CORO1C: variants seen among roughly 807,000 people sequenced by gnomAD.
CORO1C encodes the protein coronin 1C.
Under a neutral mutation model 51.2 loss-of-function variants are expected in CORO1C, and 14 were observed. The observed-to-expected ratio is 0.27, with a 90% CI of 0.18 to 0.43. The LOEUF (loss-of-function observed/expected upper bound fraction) is 0.43. CORO1C is among the 20% of genes least tolerant of loss of function. The pLI is 1.00. For synonymous variants in CORO1C, 181 were observed against 210.5 expected, an observed-to-expected ratio of 0.86 and a Z score of 1.21; for missense variants, 417 against 607.8, an observed-to-expected ratio of 0.69 and a Z score of 3.30.
At chr12:108,719,697 C>G (rs965842062) in intron 1 of CORO1C, among the ~76,000 whole-genome samples, 1 of 152,092 alleles carries the variant, frequency 6.6e-6, no homozygotes, top group Non-Finnish European at 1.5e-5. Context: ...GAACATAAGG[C>G]TATTTAATGA....
In CORO1C at chr12:108,688,139, G is replaced by C. The variant is rs1323564946; in HGVS notation, c.196-9745C>G. Among the ~76,000 whole-genome samples the C allele has an allele frequency of 2.0e-5, 3 of 151,994 alleles. No homozygotes were observed. In the East Asian group the frequency reaches 5.8e-4, roughly 29 times the overall value. The stretch of plus-strand genomic sequence containing the variant: ...TTGACCAGGCTGGTCTCAAACTCCT[G>C]ACCTCAGGTGATCTGCCCACCTCAG... On this transcript the variant is annotated intron_variant, in intron 2 of 10. Coordinates refer to ENST00000261401, the MANE Select transcript of CORO1C (RefSeq NM_014325.4).
intron 10 of CORO1C, among the ~76,000 whole-genome samples, chr12:108,647,865 C>G (rs966434474): frequency 7.9e-5 from 12 of 152,200 alleles, no homozygotes; most frequent in African/African-American, 2.9e-4. Flanking sequence ...TACGTCCTAA[C>G]CACCCCAATC....
At chr12:108,683,370 G>A (rs933136651) in intron 2 of CORO1C, among the ~76,000 whole-genome samples, 1 of 148,154 alleles carries the variant, frequency 6.7e-6, no homozygotes, top group East Asian at 2.0e-4. Flanking sequence ...AGTGAGCTGA[G>A]ATCGCACCAT....
At chr12:108,659,084 G>A (rs151005576) in intron 4 of CORO1C, among the ~76,000 whole-genome samples, 165 bp from the exon 5 acceptor site, 182 of 152,304 alleles carry the variant, frequency 1.2e-3, no homozygotes, top group African/African-American at 4.2e-3. Context: ...CCCTACCAGA[G>A]GCCCTACTTA....
At chr12:108,724,152 G>GCAACAA (rs957464937) in intron 1 of CORO1C, among the ~76,000 whole-genome samples, 1 of 152,060 alleles carries the variant, frequency 6.6e-6, no homozygotes, top group Non-Finnish European at 1.5e-5. Flanking sequence ...GTGGGAAAAA[G>GCAACAA]CAACAACAAC....
chr12:108,648,475 A>G, intron 10 of CORO1C, 130 bp downstream of exon 10: 1 of 1,270,000 alleles, frequency 7.9e-7, no homozygotes, highest in Non-Finnish European at 1.1e-6. Flanking sequence ...ACCTTCTCCC[A>G]CTTTTTCATT....
chr12:108,660,658 T>C (rs980375127), intron 4 of CORO1C, among the ~76,000 whole-genome samples: 7 of 152,102 alleles, frequency 4.6e-5, no homozygotes, highest in Non-Finnish European at 8.8e-5. Context: ...CTCCTTCACA[T>C]GTAAAAGGGA....
At chr12:108,675,006 G>A (rs2033854683) in intron 3 of CORO1C, among the ~76,000 whole-genome samples, 1 of 152,090 alleles carries the variant, frequency 6.6e-6, no homozygotes, top group Non-Finnish European at 1.5e-5. Context: ...ATGCTACAGA[G>A]AAAGCTTTTG....
intron 1 of CORO1C, among the ~76,000 whole-genome samples, chr12:108,712,026 C>T (rs1307482796): frequency 2.0e-5 from 3 of 152,130 alleles, no homozygotes; most frequent in South Asian, 2.1e-4. Flanking sequence ...CATTCCAGGG[C>T]GTCGATTACT....
intron 8 of CORO1C, 186 bp downstream of exon 8, chr12:108,652,086 A>G: frequency 7.1e-6 from 1 of 140,174 alleles, no homozygotes. Context: ...TTTTTTTCTA[A>G]TGAAGAAACT....
In CORO1C at chr12:108,645,307, C is replaced by G. The variant is rs925252039; in HGVS notation, c.*2096G>C. 2.0e-5 allele frequency: 3 copies of G among 151,614 alleles called. No homozygotes were observed. The highest frequency in any genetic ancestry group is 7.3e-5 in the African/African-American group (3 of 41,216). The allele number at this position is 151,614 out of a possible 1,614,324, so 9.4% of individuals were successfully genotyped here. A position where few individuals can be genotyped will look rare whatever the true frequency, so the allele number is the denominator to read the frequency against. On this transcript the variant is annotated 3_prime_UTR_variant, in exon 11 of 11. Transcript: ENST00000261401. The stretch of plus-strand genomic sequence containing the variant: ...GGCGCCTACTCTGAGCTTGGCTGGG[C>G]ATCCATTCATTAAATAAGTCATAAG...
chr12:108,703,565 C>T (rs983545603), intron 1 of CORO1C, among the ~76,000 whole-genome samples: 2 of 152,132 alleles, frequency 1.3e-5, no homozygotes, highest in Non-Finnish European at 2.9e-5. Context: ...AGGAGGAGCG[C>T]ACAAAAAGGA....
chr12:108,721,770 A>G (rs1335556208), intron 1 of CORO1C, among the ~76,000 whole-genome samples: 1 of 152,104 alleles, frequency 6.6e-6, no homozygotes, highest in Non-Finnish European at 1.5e-5. Flanking sequence ...AGAAAAATAG[A>G]CAGGACGAGT....
chr12:108,713,507 A>G (rs890585014), intron 1 of CORO1C, among the ~76,000 whole-genome samples: 3 of 152,236 alleles, frequency 2.0e-5, no homozygotes, highest in African/African-American at 7.2e-5. Context: ...CAATTCAATA[A>G]CTCAATATCA....
At chr12:108,673,698 C>T (rs142691160) in intron 3 of CORO1C, among the ~76,000 whole-genome samples, 65 of 152,204 alleles carry the variant, frequency 4.3e-4, no homozygotes, top group African/African-American at 1.1e-3. Flanking sequence ...TTTAAGTTGA[C>T]GCCAATGCTC....
intron 1 of CORO1C, among the ~76,000 whole-genome samples, chr12:108,710,388 T>TA (rs2035145660): frequency 1.3e-5 from 2 of 151,872 alleles, no homozygotes; most frequent in Non-Finnish European, 2.9e-5. Context: ...GTTTTCACTT[T>TA]AAAAAGAAAA....
intron 3 of CORO1C, among the ~76,000 whole-genome samples, chr12:108,672,632 GATATTGTGGTGGTGTTTT>G (rs2033759726): frequency 6.6e-6 from 1 of 150,864 alleles, no homozygotes; most frequent in African/African-American, 2.4e-5. Flanking sequence ...GCACTTCACA[GATATTGTGGTGGTGTTTT>G]TGTTTTGTTT....
intron 3 of CORO1C, among the ~76,000 whole-genome samples, chr12:108,672,209 G>T (rs1179315786): frequency 6.6e-6 from 1 of 152,188 alleles, no homozygotes; most frequent in African/African-American, 2.4e-5. Flanking sequence ...CAAATGCCTG[G>T]TGCAAGATTG....
intron 2 of CORO1C, among the ~76,000 whole-genome samples, chr12:108,698,392 T>C (rs2034759171): frequency 6.6e-6 from 1 of 152,236 alleles, no homozygotes; most frequent in South Asian, 2.1e-4. Context: ...TGATCTAGAA[T>C]TTCCAAGGCA....
Sources: gnomAD v4.1 joint callset for allele counts (sites outside exome capture counted in the v4.1 genomes callset) on GRCh38, gnomAD v4.1.1 for gene constraint, MANE v1.5 for transcripts, NCBI Gene and HGNC (gene_info 2026-07-23, HGNC 2026-07-21) for gene names.